The following DPP6 variants were observed in gnomAD, a reference collection of about 807,000 sequenced individuals.
DPP6 encodes the protein A-type potassium channel modulatory protein DPP6.
Under a neutral mutation model 122.6 loss-of-function variants are expected in DPP6, and 69 were observed. The ratio of observed to expected loss-of-function variants is 0.56; its 90% CI spans 0.46 to 0.69. DPP6 has a LOEUF of 0.69. Ranked by LOEUF, DPP6 falls within the 30% of genes least tolerant of loss-of-function variation. DPP6 has a pLI of 0.00. For synonymous variants in DPP6, 418 were observed against 433.1 expected (o/e 0.97, Z 0.43); for missense variants, 928 against 1,116.9 (o/e 0.83, Z 2.41).
At chr7:153,761,336 T>A in the DPP6 span, among the ~76,000 whole-genome samples, 8 of 152,336 alleles carry the variant, frequency 5.3e-5, no homozygotes, top group African/African-American at 9.6e-5. Context: ...GTATGAGAAA[T>A]TTTAAATTAG....
chr7:154,110,969 G>A (rs1324451385), intron 1 of DPP6, among the ~76,000 whole-genome samples: 2 of 152,118 alleles, frequency 1.3e-5, no homozygotes, highest in Non-Finnish European at 2.9e-5. Flanking sequence ...GAGGGTGCAT[G>A]TAAGGCAGGA....
At chr7:154,180,608 A>AG (rs1185489013) in intron 1 of DPP6, among the ~76,000 whole-genome samples, 1 of 149,308 alleles carries the variant, frequency 6.7e-6, no homozygotes, top group African/African-American at 2.5e-5. Context: ...TTAAGATTTC[A>AG]AAAGCCTTCC....
At chr7:154,009,568 A>T in intron 1 of DPP6, among the ~76,000 whole-genome samples, 1 of 151,994 alleles carries the variant, frequency 6.6e-6, no homozygotes, top group East Asian at 1.9e-4. Context: ...GGTCCTGGCC[A>T]CACCATGAAA....
At chr7:153,867,195 T>G in the DPP6 span, among the ~76,000 whole-genome samples, 1 of 152,164 alleles carries the variant, frequency 6.6e-6, no homozygotes, top group East Asian at 1.9e-4. Flanking sequence ...AGAAAGTAAT[T>G]GGTAGCTTGA....
chr7:154,658,139 G>A (rs1475829580), intron 6 of DPP6, among the ~76,000 whole-genome samples: 1 of 152,188 alleles, frequency 6.6e-6, no homozygotes, highest in Non-Finnish European at 1.5e-5. Context: ...ACAACTCACA[G>A]AACACACAGG....
intron 17 of DPP6, among the ~76,000 whole-genome samples, chr7:154,860,414 G>A (rs904401111): frequency 1.3e-5 from 2 of 152,208 alleles, no homozygotes; most frequent in African/African-American, 2.4e-5. Context: ...GCTTCTGGTC[G>A]CTGTGCAGAG....
intron 1 of DPP6, among the ~76,000 whole-genome samples, chr7:154,420,050 G>A (rs1817334170): frequency 6.6e-6 from 1 of 152,146 alleles, no homozygotes; most frequent in South Asian, 2.1e-4. Context: ...TACAAGAGAA[G>A]GAGAAGGCCG....
chr7:154,881,685 C>T (rs892044750), intron 21 of DPP6, among the ~76,000 whole-genome samples: 2 of 152,194 alleles, frequency 1.3e-5, no homozygotes, highest in Non-Finnish European at 1.5e-5. Context: ...GTGCCTCTTA[C>T]GTCATCGCCT....
At chr7:154,581,959 A>G (rs1432705896) in intron 5 of DPP6, among the ~76,000 whole-genome samples, 2 of 152,148 alleles carry the variant, frequency 1.3e-5, no homozygotes, top group Admixed American at 6.5e-5. Flanking sequence ...AGGCAGCCTT[A>G]GGCCCCCTGT....
rs551344112 is a variant in DPP6, at chr7:154,403,949, C to T, written c.244-42265C>T. On this transcript the variant is annotated intron_variant, in intron 1 of 25. Transcript: ENST00000377770. This position sits in a 1 kb window ranked among gnomAD's most constrained non-coding sequence, Gnocchi z 4.1. Reference sequence around the variant, plus strand: ...TTTAAGCTCATTAAACTCACATTCACCTTTGTCTTTTGTTGAAAAAAGTTA... The same window carrying T: ...TTTAAGCTCATTAAACTCACATTCATCTTTGTCTTTTGTTGAAAAAAGTTA... Among the ~76,000 whole-genome samples, 12 of 152,344 alleles carry T rather than the reference C, an allele frequency of 7.9e-5. No homozygotes were observed. Among genetic ancestry groups the T allele is most frequent in the African/African-American group, 2.9e-4 (12 of 41,576 alleles).
At chr7:153,932,275 C>A (rs1457001727) in intron 1 of DPP6, among the ~76,000 whole-genome samples, 3 of 152,068 alleles carry the variant, frequency 2.0e-5, no homozygotes, top group Non-Finnish European at 4.4e-5. Flanking sequence ...CATGTGCCAC[C>A]ACGCCTGGCT....
At chr7:154,803,999 G>T (rs1024014116) in intron 14 of DPP6, 44 bp downstream of exon 14, 4 of 1,596,246 alleles carry the variant, frequency 2.5e-6, no homozygotes, top group Non-Finnish European at 2.6e-6. Context: ...TGGCCAATGG[G>T]GCACATTTGT....
intron 21 of DPP6, among the ~76,000 whole-genome samples, chr7:154,883,371 C>T (rs547238226): frequency 2.8e-5 from 4 of 144,878 alleles, no homozygotes; most frequent in African/African-American, 7.7e-5. Flanking sequence ...CTCACACACA[C>T]GATTACATAC....
chr7:154,328,288 G>C (rs1012169373), intron 1 of DPP6, among the ~76,000 whole-genome samples: 1 of 152,178 alleles, frequency 6.6e-6, no homozygotes, highest in Non-Finnish European at 1.5e-5. Flanking sequence ...GGCACAGAGA[G>C]GGGAGGACAG....
the DPP6 span, among the ~76,000 whole-genome samples, chr7:153,788,241 C>G: frequency 6.6e-6 from 1 of 152,066 alleles, no homozygotes; most frequent in Non-Finnish European, 1.5e-5. Flanking sequence ...CAGAAAAGTC[C>G]CCAGAAGAAT....
At chr7:153,820,609 T>C in the DPP6 span, among the ~76,000 whole-genome samples, 1 of 152,100 alleles carries the variant, frequency 6.6e-6, no homozygotes, top group East Asian at 1.9e-4. Flanking sequence ...TAGCACATAC[T>C]TCTGCCATAT....
chr7:154,237,520 G>C (rs1801295493), intron 1 of DPP6, among the ~76,000 whole-genome samples: 1 of 152,166 alleles, frequency 6.6e-6, no homozygotes, highest in Admixed American at 6.5e-5. Flanking sequence ...CCTCAGCCAG[G>C]TGCCTGGCCC....
chr7:154,349,161 GTTGT>G (rs912608466), intron 1 of DPP6, among the ~76,000 whole-genome samples: 2 of 152,112 alleles, frequency 1.3e-5, no homozygotes, highest in African/African-American at 4.8e-5. Context: ...TGTTGTTGTT[GTTGT>G]TTGTTGTTGT....
At chr7:153,877,149 T>C in the DPP6 span, among the ~76,000 whole-genome samples, 2 of 152,118 alleles carry the variant, frequency 1.3e-5, no homozygotes, top group African/African-American at 4.8e-5. Context: ...CTTTTCTTTT[T>C]TCAATAATAT....
Sources: allele counts gnomAD v4.1 joint callset (sites outside exome capture counted in the v4.1 genomes callset), GRCh38; gene constraint gnomAD v4.1.1; non-coding constraint Gnocchi (gnomAD v3.1); transcripts MANE v1.5; gene names NCBI Gene and HGNC (gene_info 2026-07-23, HGNC 2026-07-21).